The following FAT1 variants were observed in gnomAD, a reference collection of about 807,000 sequenced individuals.
FAT1 encodes the protein FAT atypical cadherin 1.
FAT1 carries 171 observed loss-of-function variants against 329.8 expected under a neutral mutation model. The ratio of observed to expected loss-of-function variants is 0.52; its 90% CI spans 0.46 to 0.59. The LOEUF (loss-of-function observed/expected upper bound fraction) is 0.59. FAT1 is among the 20% of genes least tolerant of loss of function. FAT1 has a pLI of 0.00. For synonymous variants in FAT1, 2,233 were observed against 2,228.6 expected, an observed-to-expected ratio of 1.00 and a Z score of -0.06; for missense variants, 5,672 against 5,774.4, an observed-to-expected ratio of 0.98 and a Z score of 0.57.
chr4:186,688,364 T>C (rs1440653626), intron 2 of FAT1, among the ~76,000 whole-genome samples: 2 of 152,292 alleles, frequency 1.3e-5, no homozygotes, highest in East Asian at 3.9e-4. Context: ...TAGAAGTTAA[T>C]AGGTCCTTAA....
intron 9 of FAT1, among the ~76,000 whole-genome samples, chr4:186,624,593 T>C (rs1297073306): frequency 6.6e-6 from 1 of 152,222 alleles, no homozygotes; most frequent in African/African-American, 2.4e-5. Context: ...GTCTCCAGCA[T>C]ATAACTCAAT....
upstream of FAT1, among the ~76,000 whole-genome samples, chr4:186,725,998 C>G (rs200347678): frequency 6.6e-6 from 1 of 152,250 alleles, no homozygotes; most frequent in Admixed American, 6.5e-5. The surrounding 1 kb of genome is among the most constrained non-coding windows in gnomAD (Gnocchi z 5.4). Flanking sequence ...GAGCGCGCCT[C>G]GCCAGGTGCC....
intron 3 of FAT1, among the ~76,000 whole-genome samples, chr4:186,648,593 C>CT (rs1167807456): frequency 1.3e-5 from 2 of 152,138 alleles, no homozygotes; most frequent in Non-Finnish European, 2.9e-5. Flanking sequence ...AGCCCAAATC[C>CT]TGTACCTTAA....
At chr4:186,645,422 T>TATATATATCTCTAA (rs1420963668) in intron 3 of FAT1, among the ~76,000 whole-genome samples, 1 of 58,010 alleles carries the variant, frequency 1.7e-5, no homozygotes, top group African/African-American at 7.4e-5. Flanking sequence ...TATATATATA[T>TATATATATCTCTAA]GCCTGTAAAA....
At chr4:186,714,077 T>C (rs985984164) in intron 1 of FAT1, among the ~76,000 whole-genome samples, 8 of 152,000 alleles carry the variant, frequency 5.3e-5, no homozygotes, top group African/African-American at 1.9e-4. Flanking sequence ...AAATGAGAAG[T>C]CCCCCAGCGG....
chr4:186,647,265 C>A (rs766631889), intron 3 of FAT1, among the ~76,000 whole-genome samples: 80 of 152,316 alleles, frequency 5.3e-4, no homozygotes, highest in African/African-American at 8.9e-4. Flanking sequence ...TCCCAAGACC[C>A]AGCTCTGGGG....
intron 3 of FAT1, 82 bp downstream of exon 3, chr4:186,663,217 A>G (rs1742262985): frequency 9.6e-7 from 1 of 1,037,514 alleles, no homozygotes. Flanking sequence ...AAAGTATGTA[A>G]CAGATAAATG....
chr4:186,694,540 T>C (rs1472502321), intron 2 of FAT1, among the ~76,000 whole-genome samples: 1 of 152,230 alleles, frequency 6.6e-6, no homozygotes, highest in Non-Finnish European at 1.5e-5. Flanking sequence ...TTAGTTTACA[T>C]ACATATTATT....
chr4:186,714,740 C>T (rs1245583791), intron 1 of FAT1, among the ~76,000 whole-genome samples: 2 of 152,208 alleles, frequency 1.3e-5, no homozygotes, highest in East Asian at 3.9e-4. Flanking sequence ...GATTTTTCTA[C>T]AGCTGAAGCC....
At chr4:186,711,646 G>A (rs187219127) in intron 1 of FAT1, among the ~76,000 whole-genome samples, 4 of 152,220 alleles carry the variant, frequency 2.6e-5, no homozygotes, top group Admixed American at 6.5e-5. Context: ...GGCTGGTCAC[G>A]GTGGCTCACA....
chr4:186,594,612 T>C (rs1046329665), intron 26 of FAT1, among the ~76,000 whole-genome samples: 4 of 144,938 alleles, frequency 2.8e-5, no homozygotes, highest in Admixed American at 2.7e-4. Context: ...ATACCATATA[T>C]ACGGTATCAA....
At chr4:186,598,379 T>C (rs1057100936) in intron 22 of FAT1, 13 of 357,130 alleles carry the variant, frequency 3.6e-5, no homozygotes, top group South Asian at 2.7e-4. Context: ...GTCACACATA[T>C]AGAGGAGGAA....
intron 16 of FAT1, among the ~76,000 whole-genome samples, chr4:186,606,732 C>T (rs934271862): frequency 6.6e-6 from 1 of 152,126 alleles, no homozygotes; most frequent in Non-Finnish European, 1.5e-5. Context: ...CTGTCTAAAT[C>T]CCTCAGGATT....
In FAT1 at chr4:186,618,530, C is replaced by T. The variant is rs1739843012; in HGVS notation, c.8056G>A (p.Val2686Ile). ...VDNGSPSKES[V>I]VLVYVKILPP... ...AGGATTTTAACATAGACAAGAACAA[C>T]AGATTCTTTTGATGGAGACCCATTA... The change falls in exon 10 of 27, where the codon GTT (valine) becomes ATT (isoleucine). Residue 2686 changes from valine (V) to isoleucine (I), a missense_variant. By Grantham distance (29) the Val-to-Ile change is conservative. Transcript: ENST00000441802. The T allele has an allele frequency of 1.2e-6, 2 of 1,614,014 alleles. No homozygotes were observed. Among genetic ancestry groups the T allele is most frequent in the Non-Finnish European group, 1.7e-6 (2 of 1,179,890 alleles).
intron 9 of FAT1, 127 bp downstream of exon 9, chr4:186,628,027 G>C: frequency 2.0e-6 from 2 of 977,798 alleles, no homozygotes; most frequent in Non-Finnish European, 3.0e-6. Flanking sequence ...ATTGTATCTA[G>C]AGATCAATTT....
chr4:186,660,070 T>C (rs1579404059), intron 3 of FAT1, among the ~76,000 whole-genome samples: 1 of 152,306 alleles, frequency 6.6e-6, no homozygotes, highest in Non-Finnish European at 1.5e-5. Flanking sequence ...ATGGTCCGGA[T>C]CTCTGGATTT....
At position 186,620,160 on chromosome 4, in the gene FAT1, C is replaced by G; in HGVS notation, c.6426G>C (p.Glu2142Asp). The G allele has an allele frequency of 6.2e-7, 1 of 1,614,010 alleles. No individual in the cohort carries two copies. The highest frequency in any genetic ancestry group is 8.5e-7 in the Non-Finnish European group (1 of 1,179,892). ...LGEISLKKQF[E>D]LDTLNKEYLV... ...GATATTCTTTATTTAAGGTGTCAAG[C>G]TCAAATTGCTTTTTCAGTGAAATTT... Residue 2142 changes from glutamate to aspartate, a missense_variant, in exon 10 of 27, where the codon GAG (glutamate) becomes GAC (aspartate). Coordinates refer to ENST00000441802, the MANE Select transcript of FAT1 (RefSeq NM_005245.4).
intron 3 of FAT1, among the ~76,000 whole-genome samples, chr4:186,651,146 T>A (rs569526214): frequency 0.048 from 7,118 of 147,960 alleles, 580 homozygotes; most frequent in African/African-American, 0.17. Context: ...AATTTATTTA[T>A]TAATAATAAA....
Position 186,588,450 on chromosome 4 carries a change from G to T in FAT1, c.*142C>A. On this transcript the variant is annotated 3_prime_UTR_variant, in exon 27 of 27. Transcript: ENST00000441802. Reference sequence around the variant, plus strand: ...TTGGGACACTGGAAATGGCTAGCACGTCCAGAGGCGCAGGATCCAGCGCAG... The same window carrying T: ...TTGGGACACTGGAAATGGCTAGCACTTCCAGAGGCGCAGGATCCAGCGCAG... The T allele has an allele frequency of 2.1e-6, 2 of 972,424 alleles. No homozygotes were observed. The highest frequency in any genetic ancestry group is 1.5e-6 in the Non-Finnish European group (1 of 677,958). 60.2% of individuals were successfully genotyped at this position (972,424 alleles called of 1,614,324 possible).
Sources: gnomAD v4.1 joint callset for allele counts (sites outside exome capture counted in the v4.1 genomes callset) on GRCh38, gnomAD v4.1.1 for gene constraint, Gnocchi (gnomAD v3.1) non-coding constraint, MANE v1.5 for transcripts, NCBI Gene and HGNC (gene_info 2026-07-23, HGNC 2026-07-21) for gene names.